Variants in KIRREL3 observed in about 807,000 individuals in gnomAD.
KIRREL3 encodes kin of IRRE-like protein 3.
In KIRREL3, 36 loss-of-function variants were observed where a neutral mutation model predicts 89.7. The ratio of observed to expected loss-of-function variants is 0.40; its 90% CI spans 0.31 to 0.53. The LOEUF is 0.53. Ranked by LOEUF, KIRREL3 falls within the 20% of genes least tolerant of loss-of-function variation. The probability of loss-of-function intolerance (pLI) is 0.49; values close to 1 mark genes in which losing one functional copy is unlikely to be tolerated. For synonymous variants in KIRREL3, 445 were observed against 441.4 expected, an observed-to-expected ratio of 1.01 and a Z score of -0.10; for missense variants, 864 against 1,056.6, an observed-to-expected ratio of 0.82 and a Z score of 2.53.
At position 126,771,079 on chromosome 11, in the gene KIRREL3, C is replaced by G. The variant is rs543416635; in HGVS notation, c.56-208167G>C. 7.2e-4 allele frequency among the ~76,000 whole-genome samples: 110 copies of G among 152,270 alleles called. No individual in the cohort carries two copies. Among genetic ancestry groups the G allele is most frequent in the Non-Finnish European group, 1.4e-3 (93 of 68,022 alleles). The stretch of plus-strand genomic sequence containing the variant: ...TTGAACTCCTGACCTCAGGGTGATC[C>G]GCTTGCCTTGGCATCCCAAAGTCCT... On this transcript the variant is annotated intron_variant, in intron 1 of 16. Transcript: ENST00000525144. This position sits in a 1 kb window ranked among gnomAD's most constrained non-coding sequence, Gnocchi z 4.4.
rs1344264247 is a variant in KIRREL3 at position 126,531,962 on chromosome 11, C to T, written c.134-5275G>A. Among the ~76,000 whole-genome samples, 1 of 152,098 alleles carries T rather than the reference C, an allele frequency of 6.6e-6. No homozygotes were observed. Among genetic ancestry groups the T allele is most frequent in the Non-Finnish European group, 1.5e-5 (1 of 68,042 alleles). On this transcript the variant is annotated intron_variant, in intron 2 of 16. Transcript: ENST00000525144. This position sits in a 1 kb window ranked among gnomAD's most constrained non-coding sequence, Gnocchi z 4.7. Reference sequence around the variant, plus strand: ...GCTTTTGCATTATGAACTACTAACCCGGCAGATACTGTTCAGAGCACACCA... The same window carrying T: ...GCTTTTGCATTATGAACTACTAACCTGGCAGATACTGTTCAGAGCACACCA...
At chr11:126,673,799 C>T (rs774197078) in intron 1 of KIRREL3, among the ~76,000 whole-genome samples, 3 of 152,170 alleles carry the variant, frequency 2.0e-5, no homozygotes, top group Non-Finnish European at 4.4e-5. Context: ...CTCATAGAAG[C>T]AATGAAAGAA....
chr11:126,467,075 T>C (rs1273422104), intron 5 of KIRREL3, among the ~76,000 whole-genome samples: 1 of 152,240 alleles, frequency 6.6e-6, no homozygotes, highest in South Asian at 2.1e-4. Context: ...GTGTGCAGCA[T>C]GTGTCCGGGA....
At chr11:126,465,289 C>G (rs1956685225) in intron 5 of KIRREL3, among the ~76,000 whole-genome samples, 7 of 152,194 alleles carry the variant, frequency 4.6e-5, no homozygotes, top group Admixed American at 4.6e-4. Flanking sequence ...CCCCGGAAGA[C>G]AGCAGCATTA....
chr11:126,435,331 AGCCAGGGCCTGGCTG>A (rs767008862), intron 12 of KIRREL3, 28 bp from the exon 13 acceptor site: 1 of 1,587,524 alleles, frequency 6.3e-7, no homozygotes, highest in Non-Finnish European at 8.6e-7. Flanking sequence ...AAGCGTCTAC[AGCCAGGGCCTGGCTG>A]GCCAGGGTGG....
chr11:126,758,261 C>A (rs1949568180), intron 1 of KIRREL3, among the ~76,000 whole-genome samples: 1 of 152,232 alleles, frequency 6.6e-6, no homozygotes, highest in Admixed American at 6.5e-5. Context: ...GAAATGCTAT[C>A]TTGCAGCTTT....
At chr11:126,749,644 T>TA (rs5795519) in intron 1 of KIRREL3, among the ~76,000 whole-genome samples, 173 of 148,660 alleles carry the variant, frequency 1.2e-3, no homozygotes, top group South Asian at 2.5e-3. Flanking sequence ...AAGTCCCTCT[T>TA]AAAAAAAAAA....
In KIRREL3 at chr11:126,563,758, T is replaced by C. The variant is rs1186418767; in HGVS notation, c.56-846A>G. 6.6e-6 allele frequency among the ~76,000 whole-genome samples: 1 copy of C among 152,230 alleles called. No individual in the cohort carries two copies. Among genetic ancestry groups the C allele is most frequent in the Non-Finnish European group, 1.5e-5 (1 of 68,036 alleles). ...TGTGTGAGCATTAAATTGGAGTCCA[T>C]CTGCCTCACAAGAAGGCAAGCTTTC... On this transcript the variant is annotated intron_variant, in intron 1 of 16. Transcript: ENST00000525144. This position sits in a 1 kb window ranked among gnomAD's most constrained non-coding sequence, Gnocchi z 6.8.
intron 1 of KIRREL3, among the ~76,000 whole-genome samples, chr11:126,745,424 A>C (rs1472287873): frequency 6.6e-6 from 1 of 152,134 alleles, no homozygotes; most frequent in Non-Finnish European, 1.5e-5. Context: ...TGGTCACCTG[A>C]GCTAAGAAAG....
chr11:126,988,150 T>A (rs1302358518), intron 1 of KIRREL3, among the ~76,000 whole-genome samples: 2 of 152,154 alleles, frequency 1.3e-5, no homozygotes, highest in African/African-American at 4.8e-5. Flanking sequence ...GGCTCAACTC[T>A]CCCTAAGCAG....
At position 126,940,251 on chromosome 11, in the gene KIRREL3, T is replaced by G. The variant is rs1948385027; in HGVS notation, c.55+60204A>C. Among the ~76,000 whole-genome samples, 1 of 152,242 alleles carries G rather than the reference T, an allele frequency of 6.6e-6. No homozygotes were observed. Among genetic ancestry groups the G allele is most frequent in the African/African-American group, 2.4e-5 (1 of 41,460 alleles). ...AAAAGCATCATAACTCATTTAACAT[T>G]GAGCCTATATCTTTTTAAATATATC... On this transcript the variant is annotated intron_variant, in intron 1 of 16. Transcript: ENST00000525144. This position sits in a 1 kb window ranked among gnomAD's most constrained non-coding sequence, Gnocchi z 4.6.
chr11:126,674,441 A>T (rs145632883), intron 1 of KIRREL3, among the ~76,000 whole-genome samples: 1 of 152,228 alleles, frequency 6.6e-6, no homozygotes, highest in East Asian at 1.9e-4. Flanking sequence ...GCCAGTAAAG[A>T]TGATAAGCAG....
At chr11:126,714,709 T>A (rs766088374) in intron 1 of KIRREL3, among the ~76,000 whole-genome samples, 2 of 152,140 alleles carry the variant, frequency 1.3e-5, no homozygotes, top group Non-Finnish European at 2.9e-5. Context: ...ATGAATCCTT[T>A]ACTGGCGTCT....
In KIRREL3 at chr11:126,431,120, C is replaced by G. The variant is rs534464398; in HGVS notation, c.1696+299G>C. On this transcript the variant is annotated intron_variant, in intron 14 of 16. Transcript: ENST00000525144. The surrounding 1 kb of genome is among the most constrained non-coding windows in gnomAD (Gnocchi z 7.1). ...ATCAAACCACAAACCGCTTTTCCCC[C>G]TATCTTTCTGTACAGTTCCTGACTG... The G allele has an allele frequency of 2.2e-4, 309 of 1,413,246 alleles. No homozygotes were observed. The highest frequency in any genetic ancestry group is 3.6e-4 in the East Asian group (14 of 39,222). 87.5% of individuals were successfully genotyped at this position (1,413,246 alleles called of 1,614,324 possible).
intron 1 of KIRREL3, among the ~76,000 whole-genome samples, chr11:126,923,426 TCTTCC>T (rs1947555950): frequency 7.3e-6 from 1 of 137,730 alleles, no homozygotes; most frequent in Non-Finnish European, 1.5e-5. Flanking sequence ...TTCTTCTTCC[TCTTCC>T]TCTTCTTCTC....
At chr11:126,829,901 A>C (rs1176615779) in intron 1 of KIRREL3, among the ~76,000 whole-genome samples, 2 of 152,172 alleles carry the variant, frequency 1.3e-5, no homozygotes, top group Non-Finnish European at 2.9e-5. Context: ...TTTGCCAAGA[A>C]AGGCTGTTGG....
In KIRREL3 at chr11:126,578,814, C is replaced by T. The variant is rs1941391775; in HGVS notation, c.56-15902G>A. ...AAAAGTTCCAGGCTCTCCTACCACA[C>T]CTAGGCTGGACTTACTGATTCCAAG... On this transcript the variant is annotated intron_variant, in intron 1 of 16. Coordinates refer to ENST00000525144, the MANE Select transcript of KIRREL3 (RefSeq NM_032531.4). The surrounding 1 kb of genome is among the most constrained non-coding windows in gnomAD (Gnocchi z 4.9). 1.3e-5 allele frequency among the ~76,000 whole-genome samples: 2 copies of T among 152,190 alleles called. No individual in the cohort carries two copies. Among genetic ancestry groups the T allele is most frequent in the South Asian group, 4.1e-4 (2 of 4,828 alleles).
chr11:126,844,777 C>A lies in KIRREL3; in HGVS notation c.55+155678G>T, dbSNP rs1039591610. Among the ~76,000 whole-genome samples the A allele has an allele frequency of 1.3e-5, 2 of 152,114 alleles. No individual in the cohort carries two copies. The highest frequency in any genetic ancestry group is 1.3e-4 in the Admixed American group (2 of 15,262). On this transcript the variant is annotated intron_variant, in intron 1 of 16. Coordinates refer to ENST00000525144, the MANE Select transcript of KIRREL3 (RefSeq NM_032531.4). This position sits in a 1 kb window ranked among gnomAD's most constrained non-coding sequence, Gnocchi z 4.8. ...ACTCTTTGCTGAAGGCTATGGGTGACAGAGTTAAGCATGTATAGGATCTTG... is the reference window on the plus strand; with the variant it reads ...ACTCTTTGCTGAAGGCTATGGGTGAAAGAGTTAAGCATGTATAGGATCTTG...
Position 126,940,737 on chromosome 11 carries a change from G to C in KIRREL3, c.55+59718C>G, listed in dbSNP as rs1948412877. 1 of 152,132 alleles carries C rather than the reference G, an allele frequency of 6.6e-6. No individual in the cohort carries two copies. Among genetic ancestry groups the C allele is most frequent in the Non-Finnish European group, 1.5e-5 (1 of 68,024 alleles). The allele number at this position is 152,132 out of a possible 1,614,324, so 9.4% of individuals were successfully genotyped here. ...GCTAGAACACTGAGGAATGACCTCA[G>C]AATTCTTCTACTTAGCCTTGTCCCT... On this transcript the variant is annotated intron_variant, in intron 1 of 16. Transcript: ENST00000525144. The surrounding 1 kb of genome is among the most constrained non-coding windows in gnomAD (Gnocchi z 4.6).
Sources: allele counts gnomAD v4.1 joint callset (sites outside exome capture counted in the v4.1 genomes callset), GRCh38; gene constraint gnomAD v4.1.1; non-coding constraint Gnocchi (gnomAD v3.1); transcripts MANE v1.5; gene names NCBI Gene and HGNC (gene_info 2026-07-23, HGNC 2026-07-21).